PTPRN2: variants seen among roughly 807,000 people sequenced by gnomAD.
PTPRN2 encodes the protein receptor-type tyrosine-protein phosphatase N2.
PTPRN2 carries 74 observed loss-of-function variants against 118.8 expected under a neutral mutation model. The ratio of observed to expected loss-of-function variants is 0.62; its 90% CI spans 0.52 to 0.76. PTPRN2 has a LOEUF of 0.76. Among genes scored for constraint, PTPRN2 ranks in the 30% least tolerant of loss-of-function variants. The pLI is 0.00. For missense variants in PTPRN2, 1,481 were observed against 1,394.4 expected, an observed-to-expected ratio of 1.06 and a Z score of -0.99; for synonymous variants, 641 against 608.0, an observed-to-expected ratio of 1.05 and a Z score of -0.80.
chr7:158,483,984 A>T (rs1013164933), intron 2 of PTPRN2, among the ~76,000 whole-genome samples: 32 of 151,976 alleles, frequency 2.1e-4, no homozygotes, highest in East Asian at 5.8e-4. Flanking sequence ...CAAAAAAAAA[A>T]TTTTTTTTAA....
chr7:158,255,992 C>T (rs112799121), intron 3 of PTPRN2, among the ~76,000 whole-genome samples: 9 of 152,352 alleles, frequency 5.9e-5, no homozygotes, highest in Admixed American at 2.6e-4. Flanking sequence ...AAACCCCTTG[C>T]TGGGAGAGCC....
intron 12 of PTPRN2, among the ~76,000 whole-genome samples, chr7:157,757,883 C>G (rs151133051): frequency 6.6e-6 from 1 of 152,226 alleles, no homozygotes; most frequent in Non-Finnish European, 1.5e-5. Flanking sequence ...CCGCCCCTGA[C>G]GCCCGAGACA....
chr7:158,084,023 GCCCTTC>G (rs2128934053), intron 10 of PTPRN2, among the ~76,000 whole-genome samples: 1 of 152,188 alleles, frequency 6.6e-6, no homozygotes, highest in East Asian at 1.9e-4. Flanking sequence ...GCCCTCCTGG[GCCCTTC>G]CGCTGGGCCT....
chr7:158,082,115 T>TTC (rs1287214542), intron 10 of PTPRN2, among the ~76,000 whole-genome samples: 2 of 152,106 alleles, frequency 1.3e-5, no homozygotes, highest in Non-Finnish European at 2.9e-5. Context: ...TTAAATGTCT[T>TTC]CTAAGAAGTA....
intron 10 of PTPRN2, among the ~76,000 whole-genome samples, chr7:158,102,483 G>C (rs1378417761): frequency 1.3e-5 from 2 of 152,196 alleles, no homozygotes; most frequent in Non-Finnish European, 2.9e-5. Context: ...TCTTTTCCAT[G>C]GCCCTCAAAT....
At chr7:158,290,661 C>A (rs1800065052) in intron 3 of PTPRN2, among the ~76,000 whole-genome samples, 1 of 152,066 alleles carries the variant, frequency 6.6e-6, no homozygotes, top group African/African-American at 2.4e-5. Context: ...TTCCTTCCCC[C>A]ACATAGAGGG....
chr7:157,737,242 C>T (rs1161594971), intron 12 of PTPRN2, among the ~76,000 whole-genome samples: 1 of 152,280 alleles, frequency 6.6e-6, no homozygotes, highest in African/African-American at 2.4e-5. Context: ...CGAGCTCACT[C>T]TCCTGTCTGA....
chr7:158,284,372 T>C (rs1386464850), intron 3 of PTPRN2, among the ~76,000 whole-genome samples: 1 of 152,158 alleles, frequency 6.6e-6, no homozygotes, highest in Non-Finnish European at 1.5e-5. Context: ...CCAGGCACTC[T>C]CCGAGTCAGT....
chr7:157,557,609 A>G lies in PTPRN2; in HGVS notation c.2903-8590T>C, dbSNP rs28375113. ...CTTCAGTGCTGAGTTTTTACTTCAC[A>G]CCTTTCCTGGATGATCTTAACTAAA... On this transcript the variant is annotated intron_variant, in intron 21 of 22. Coordinates refer to ENST00000389418, the MANE Select transcript of PTPRN2 (RefSeq NM_002847.5). Among the ~76,000 whole-genome samples the G allele has an allele frequency of 6.6e-3, 996 of 151,310 alleles. 11 individuals carry two copies. Among genetic ancestry groups the G allele is most frequent in the African/African-American group, 0.022 (914 of 41,158 alleles).
At chr7:157,810,698 G>A (rs1210805000) in intron 12 of PTPRN2, among the ~76,000 whole-genome samples, 2 of 142,688 alleles carry the variant, frequency 1.4e-5, no homozygotes, top group African/African-American at 5.3e-5. Flanking sequence ...GGACTTCTGG[G>A]GGCTGGCTCT....
intron 2 of PTPRN2, among the ~76,000 whole-genome samples, chr7:158,383,990 G>A (rs1340072274): frequency 6.6e-6 from 1 of 152,180 alleles, no homozygotes; most frequent in Non-Finnish European, 1.5e-5. Context: ...CTGTTTGGAT[G>A]GTTACTTCCT....
chr7:157,703,964 T>G (rs572834544), intron 12 of PTPRN2, among the ~76,000 whole-genome samples: 1 of 152,302 alleles, frequency 6.6e-6, no homozygotes, highest in Admixed American at 6.5e-5. Flanking sequence ...TCTGAAGCTC[T>G]CACTCGCCCA....
intron 11 of PTPRN2, among the ~76,000 whole-genome samples, chr7:158,073,836 C>T (rs2128924146): frequency 6.6e-6 from 1 of 152,332 alleles, no homozygotes; most frequent in African/African-American, 2.4e-5. Flanking sequence ...ACCAGGGCTT[C>T]AACACAGCAA....
chr7:158,405,719 A>G (rs1393861826), intron 2 of PTPRN2, among the ~76,000 whole-genome samples: 2 of 152,250 alleles, frequency 1.3e-5, no homozygotes, highest in East Asian at 3.8e-4. Flanking sequence ...CTGCACTTGG[A>G]AAACTCGGAA....
At chr7:157,775,108 G>A (rs745891910) in intron 12 of PTPRN2, among the ~76,000 whole-genome samples, 5 of 152,178 alleles carry the variant, frequency 3.3e-5, no homozygotes, top group Non-Finnish European at 5.9e-5. Context: ...AAGGAGAAAC[G>A]TTTCATGAAA....
At chr7:158,541,407 C>A (rs1419880865) in intron 1 of PTPRN2, 1 of 1,183,324 alleles carries the variant, frequency 8.5e-7, no homozygotes, top group Admixed American at 2.4e-5. Context: ...GCAAAGCAAG[C>A]ATTATTCCAC....
At chr7:158,188,603 A>AG (rs1825466727) in intron 5 of PTPRN2, among the ~76,000 whole-genome samples, 2 of 110,730 alleles carry the variant, frequency 1.8e-5, no homozygotes, top group African/African-American at 7.2e-5. Flanking sequence ...CTGATGGGGA[A>AG]GCCCGCCACG....
At chr7:157,728,080 G>C (rs1370845723) in intron 12 of PTPRN2, among the ~76,000 whole-genome samples, 1 of 152,208 alleles carries the variant, frequency 6.6e-6, no homozygotes, top group African/African-American at 2.4e-5. Flanking sequence ...AGGGCCACCT[G>C]GTACCCGGTG....
chr7:158,123,902 C>T (rs1163501033), intron 9 of PTPRN2, among the ~76,000 whole-genome samples: 1 of 152,198 alleles, frequency 6.6e-6, no homozygotes, highest in South Asian at 2.1e-4. Flanking sequence ...CCGACCCAGG[C>T]GGAACAGGCT....
Sources: gnomAD v4.1 joint callset for allele counts (sites outside exome capture counted in the v4.1 genomes callset) on GRCh38, gnomAD v4.1.1 for gene constraint, MANE v1.5 for transcripts, NCBI Gene and HGNC (gene_info 2026-07-23, HGNC 2026-07-21) for gene names.